FSD1: variants seen among roughly 807,000 people sequenced by gnomAD.
The protein encoded by FSD1 is fibronectin type III and SPRY domain containing 1.
Under a neutral mutation model 58.2 loss-of-function variants are expected in FSD1, and 23 were observed. The ratio of observed to expected loss-of-function variants is 0.40; its 90% CI spans 0.28 to 0.56. The LOEUF is 0.56. Among genes scored for constraint, FSD1 ranks in the 20% least tolerant of loss-of-function variants. The pLI, the probability that FSD1 is intolerant of heterozygous loss-of-function variation, is 0.54. For synonymous variants in FSD1, 265 were observed against 263.4 expected (o/e 1.01, Z -0.06); for missense variants, 563 against 670.8 (o/e 0.84, Z 1.78).
chr19:4,318,305 G>A, intron 8 of FSD1, 41 bp from the exon 9 acceptor site: 1 of 1,612,994 alleles, frequency 6.2e-7, no homozygotes, highest in Non-Finnish European at 8.5e-7. Flanking sequence ...GTCTCTCCGG[G>A]TTTCCCCATC....
chr19:4,315,167 C>G (rs1284519200), intron 7 of FSD1, among the ~76,000 whole-genome samples: 1 of 151,990 alleles, frequency 6.6e-6, no homozygotes, highest in East Asian at 1.9e-4. Context: ...GCTCTGTCGC[C>G]CAAGCTGGAG....
intron 8 of FSD1, among the ~76,000 whole-genome samples, chr19:4,318,131 G>T (rs1424390980): frequency 3.3e-5 from 5 of 151,588 alleles, no homozygotes; most frequent in South Asian, 2.1e-4. Context: ...TTGCCATCTT[G>T]TCTCTCCTGT....
intron 1 of FSD1, among the ~76,000 whole-genome samples, chr19:4,305,663 T>C (rs1285856127): frequency 6.6e-6 from 1 of 152,128 alleles, no homozygotes; most frequent in Non-Finnish European, 1.5e-5. Flanking sequence ...AGCCCGGAGC[T>C]TTACCTCCTG....
At chr19:4,309,801 C>T (rs1971667705) in intron 4 of FSD1, among the ~76,000 whole-genome samples, 2 of 151,200 alleles carry the variant, frequency 1.3e-5, no homozygotes, top group Admixed American at 6.6e-5. Flanking sequence ...CCCAGCTACT[C>T]GGGAGGCTGA....
intron 5 of FSD1, 61 bp downstream of exon 5, chr19:4,310,356 C>T (rs377023321): frequency 1.1e-4 from 179 of 1,606,960 alleles, no homozygotes; most frequent in Non-Finnish European, 1.4e-4. Flanking sequence ...AGACAGGGGC[C>T]ACCTGGTGAG....
chr19:4,318,251 C>A, intron 8 of FSD1, 95 bp from the exon 9 acceptor site: 1 of 1,513,470 alleles, frequency 6.6e-7, no homozygotes, highest in Non-Finnish European at 9.1e-7. Context: ...CTGTCCCTGT[C>A]TTGGTCTGTC....
In FSD1 at chr19:4,323,773, A is replaced by T. The variant is rs1001909700; in HGVS notation, c.*130A>T. The T allele has an allele frequency of 2.8e-5, 19 of 674,470 alleles. No individual in the cohort carries two copies. Among genetic ancestry groups the T allele is most frequent in the African/African-American group, 2.7e-4 (15 of 55,408 alleles). 41.8% of individuals were successfully genotyped at this position (674,470 alleles called of 1,614,324 possible). ...AACTCCAGATGGGGGGGTCACCAAGAGGGAGTGGGCACCCTGGCGGGCCCT... is the reference window on the plus strand; with the variant it reads ...AACTCCAGATGGGGGGGTCACCAAGTGGGAGTGGGCACCCTGGCGGGCCCT... On this transcript the variant is annotated 3_prime_UTR_variant, in exon 13 of 13. Coordinates refer to ENST00000221856, the MANE Select transcript of FSD1 (RefSeq NM_024333.3). The surrounding 1 kb of genome is among the most constrained non-coding windows in gnomAD (Gnocchi z 7.7).
intron 10 of FSD1, among the ~76,000 whole-genome samples, chr19:4,320,060 G>A (rs1231185500): frequency 2.6e-5 from 4 of 152,078 alleles, no homozygotes; most frequent in African/African-American, 9.7e-5. Flanking sequence ...CAATTCAGAG[G>A]GTTCCTGGAG....
At chr19:4,321,960 G>A (rs767889651) in intron 10 of FSD1, among the ~76,000 whole-genome samples, 11 of 145,840 alleles carry the variant, frequency 7.5e-5, no homozygotes, top group East Asian at 2.1e-4. Flanking sequence ...AGTATCTGGC[G>A]GGGGGATAGC....
chr19:4,308,203 T>C (rs2144755993), intron 4 of FSD1, among the ~76,000 whole-genome samples: 1 of 147,172 alleles, frequency 6.8e-6, no homozygotes, highest in African/African-American at 2.5e-5. Context: ...AGGTCAGGAG[T>C]TCAAGACTAG....
At chr19:4,310,206 C>T in intron 4 of FSD1, 67 bp from the exon 5 acceptor site, 1 of 1,580,744 alleles carries the variant, frequency 6.3e-7, no homozygotes, top group Admixed American at 1.7e-5. Context: ...GCCTGGGCAA[C>T]AGAGCAAGAC....
rs543169273 is a variant in FSD1 at position 4,322,873 on chromosome 19, C to T, written c.1040-113C>T. The T allele has an allele frequency of 5.5e-4, 708 of 1,297,766 alleles. 3 individuals are homozygous for T. The South Asian group carries it at 9.7e-3, about 18-fold the overall frequency. The allele number at this position is 1,297,766 out of a possible 1,614,324, so 80.4% of individuals were successfully genotyped here. On this transcript the variant is annotated intron_variant, in intron 10 of 12. Coordinates refer to ENST00000221856, the MANE Select transcript of FSD1 (RefSeq NM_024333.3). ...GCTAGGAACCTGGGGAGTGTCTCTGCAGGGAGCAGCTGTGGTGTAAGGAGC... is the reference window on the plus strand; with the variant it reads ...GCTAGGAACCTGGGGAGTGTCTCTGTAGGGAGCAGCTGTGGTGTAAGGAGC...
At chr19:4,305,752 CCT>C (rs1971611032) in intron 1 of FSD1, among the ~76,000 whole-genome samples, 192 bp from the exon 2 acceptor site, 1 of 152,182 alleles carries the variant, frequency 6.6e-6, no homozygotes, top group African/African-American at 2.4e-5. Flanking sequence ...GGTCAGGGAG[CCT>C]GGCCAGGCTG....
chr19:4,315,458 G>A (rs1417432432), intron 7 of FSD1, among the ~76,000 whole-genome samples: 15 of 151,600 alleles, frequency 9.9e-5, no homozygotes, highest in African/African-American at 3.6e-4. Context: ...ACAGGCGCCT[G>A]CCACCACGCC....
chr19:4,307,841 T>G (rs781077859), intron 3 of FSD1, 41 bp from the exon 4 acceptor site: 6 of 1,506,258 alleles, frequency 4.0e-6, no homozygotes, highest in Non-Finnish European at 5.5e-6. Flanking sequence ...CCTGAGGCAG[T>G]GGGGTGAGTT....
intron 1 of FSD1, 110 bp downstream of exon 1, chr19:4,304,871 T>A: frequency 6.5e-6 from 3 of 463,826 alleles, no homozygotes; most frequent in Non-Finnish European, 9.6e-6. Context: ...CCAGCTGCTC[T>A]GCGGCTGAGG....
intron 3 of FSD1, among the ~76,000 whole-genome samples, chr19:4,306,799 G>A (rs1971627765): frequency 6.6e-6 from 1 of 152,000 alleles, no homozygotes; most frequent in Non-Finnish European, 1.5e-5. Flanking sequence ...GCGTCCCCGA[G>A]TCTGGCTCAG....
Position 4,323,463 on chromosome 19 carries a change from G to A in FSD1, c.1380+27G>A, listed in dbSNP as rs768672667. 1.6e-5 allele frequency: 26 copies of A among 1,606,002 alleles called. No individual in the cohort carries two copies. The South Asian group carries it at 2.4e-4, about 15-fold the overall frequency. ...TGAGCTGCCCTCCGCGGCCCAGGGGGAGGAGAGGGTGGTGCTGGGCGCTGG... is the reference window on the plus strand; with the variant it reads ...TGAGCTGCCCTCCGCGGCCCAGGGGAAGGAGAGGGTGGTGCTGGGCGCTGG... On this transcript the variant is annotated intron_variant, in intron 12 of 12. Transcript: ENST00000221856. The surrounding 1 kb of genome is among the most constrained non-coding windows in gnomAD (Gnocchi z 7.7).
intron 1 of FSD1, among the ~76,000 whole-genome samples, chr19:4,305,737 G>A (rs1465940494): frequency 6.6e-6 from 1 of 152,206 alleles, no homozygotes; most frequent in Non-Finnish European, 1.5e-5. Context: ...CTGGAGGGGA[G>A]CGCGGGTCAG....
Sources: allele counts gnomAD v4.1 joint callset (sites outside exome capture counted in the v4.1 genomes callset), GRCh38; gene constraint gnomAD v4.1.1; non-coding constraint Gnocchi (gnomAD v3.1); transcripts MANE v1.5; gene names NCBI Gene and HGNC (gene_info 2026-07-23, HGNC 2026-07-21).